The following ASXL2 variants were observed in gnomAD, a reference collection of about 807,000 sequenced individuals.
The protein encoded by ASXL2 is ASXL transcriptional regulator 2.
Under a neutral mutation model 122.0 loss-of-function variants are expected in ASXL2, and 23 were observed. The ratio of observed to expected loss-of-function variants is 0.19; its 90% CI spans 0.14 to 0.27. The LOEUF (loss-of-function observed/expected upper bound fraction) is 0.27, where lower values mean the gene tolerates loss of function less well. Ranked by LOEUF, ASXL2 falls within the 10% of genes least tolerant of loss-of-function variation. The probability of loss-of-function intolerance (pLI) is 1.00; values close to 1 mark genes in which losing one functional copy is unlikely to be tolerated. For missense variants in ASXL2, 1,518 were observed against 1,713.8 expected, an observed-to-expected ratio of 0.89 and a Z score of 2.02; for synonymous variants, 650 against 637.0, an observed-to-expected ratio of 1.02 and a Z score of -0.31.
chr2:25,873,000 C>A (rs1443540841), intron 1 of ASXL2, among the ~76,000 whole-genome samples: 2 of 151,726 alleles, frequency 1.3e-5, no homozygotes, highest in Non-Finnish European at 2.9e-5. Context: ...TGGATAAGTT[C>A]TTTAGTGGTG....
Position 25,743,687 on chromosome 2 carries a change from G to C in ASXL2, c.2650C>G (p.Pro884Ala). Residue 884 changes from proline (P) to alanine (A), a missense_variant, in exon 13 of 13, where the codon CCC becomes GCC. By Grantham distance (27) the Pro-to-Ala change is conservative. This residue lies in a region of ASXL2 where 831 missense variants were observed against 833.1 expected (regional missense o/e 1.00). Coordinates refer to ENST00000435504, the MANE Select transcript of ASXL2 (RefSeq NM_018263.6). ...TDASVPVAVT[P>A]SPLTSLLTTA... ...GTCAATAAAGATGTTAAAGGGGAGGGAGTTACAGCCACTGGCACACTAGCA... is the reference window on the plus strand; with the variant it reads ...GTCAATAAAGATGTTAAAGGGGAGGCAGTTACAGCCACTGGCACACTAGCA... The C allele has an allele frequency of 6.2e-7, 1 of 1,614,012 alleles. No individual in the cohort carries two copies. The highest frequency in any genetic ancestry group is 8.5e-7 in the Non-Finnish European group (1 of 1,179,902).
chr2:25,757,674 CAAAAAAAAAAAAAA>C (rs60732948), intron 9 of ASXL2, among the ~76,000 whole-genome samples: 2 of 35,820 alleles, frequency 5.6e-5, no homozygotes, highest in African/African-American at 1.2e-4. Context: ...GACTCCATCT[CAAAAAAAAAAAAAA>C]AAAAAAAAAA....
intron 8 of ASXL2, among the ~76,000 whole-genome samples, chr2:25,764,916 T>G (rs1306512329): frequency 6.6e-6 from 1 of 152,202 alleles, no homozygotes; most frequent in African/African-American, 2.4e-5. Context: ...AAGATACTTT[T>G]GTGCCTCAAA....
chr2:25,832,262 C>T lies in ASXL2; in HGVS notation c.143+3276G>A, dbSNP rs2089463604. Among the ~76,000 whole-genome samples, 4 of 152,194 alleles carry T rather than the reference C, an allele frequency of 2.6e-5. No individual in the cohort carries two copies. In the South Asian group the frequency reaches 6.2e-4, roughly 24 times the overall value. ...AATCTAAATGGAAGTACGGTTTCCA[C>T]ACTTCACTTAGAGTGGTAAAATGAT... On this transcript the variant is annotated intron_variant, in intron 3 of 12. Coordinates refer to ENST00000435504, the MANE Select transcript of ASXL2 (RefSeq NM_018263.6).
Position 25,749,756 on chromosome 2 carries a change from T to C in ASXL2, c.1800A>G (p.Ser600=). The C allele has an allele frequency of 6.3e-7, 1 of 1,584,190 alleles. No individual in the cohort carries two copies. ...CCCCTCTATTGAGAAAGGGCTGTGG[T>C]GAGACCTGAAATGGCTGCTGGTGCT... ...NRQHQQPFQV[S]PQPFLNRGDR... Residue 600 remains serine (S), a synonymous_variant, in exon 12 of 13, where the codon TCA becomes TCG. Transcript: ENST00000435504.
At chr2:25,871,937 A>AT (rs1370371020) in intron 1 of ASXL2, among the ~76,000 whole-genome samples, 2 of 152,228 alleles carry the variant, frequency 1.3e-5, no homozygotes, top group Admixed American at 6.5e-5. Flanking sequence ...CAGTTCCTCA[A>AT]TTTTTTTAAA....
chr2:25,781,959 CTTTTTTCTTTT>C (rs1384923799), intron 5 of ASXL2, among the ~76,000 whole-genome samples: 3 of 88,400 alleles, frequency 3.4e-5, no homozygotes, highest in African/African-American at 8.9e-5. Flanking sequence ...ACCGCCCGGG[CTTTTTTCTTTT>C]TTTTTTTTTT....
chr2:25,878,435 A>T lies in ASXL2; in HGVS notation c.-213T>A. 1 of 594,938 alleles carries T rather than the reference A, an allele frequency of 1.7e-6. No homozygotes were observed. The highest frequency in any genetic ancestry group is 3.0e-5 in the Admixed American group (1 of 33,238). 36.9% of individuals were successfully genotyped at this position (594,938 alleles called of 1,614,324 possible). ...TCCTCTTGCTGCCGTTGCCACTGCT[A>T]CCGCCGCTGCCATATTGGGTTCTTA... On this transcript the variant is annotated 5_prime_UTR_variant, in exon 1 of 13. Coordinates refer to ENST00000435504, the MANE Select transcript of ASXL2 (RefSeq NM_018263.6).
chr2:25,841,954 A>G (rs1378829375), intron 2 of ASXL2, among the ~76,000 whole-genome samples: 1 of 150,412 alleles, frequency 6.6e-6, no homozygotes, highest in East Asian at 1.9e-4. Context: ...CTCAAAAAAA[A>G]AAAAAAAATT....
chr2:25,766,391 C>T (rs1553695297), intron 8 of ASXL2, among the ~76,000 whole-genome samples: 2 of 152,172 alleles, frequency 1.3e-5, no homozygotes, highest in Non-Finnish European at 2.9e-5. Context: ...TTCTGATAGT[C>T]CTACTATGTG....
At chr2:25,838,529 CTG>C (rs1018064008) in intron 2 of ASXL2, among the ~76,000 whole-genome samples, 31 of 152,272 alleles carry the variant, frequency 2.0e-4, no homozygotes, top group African/African-American at 7.5e-4. Flanking sequence ...TTCCATTAAG[CTG>C]TGTGGGAGTA....
chr2:25,806,159 C>T (rs752256708), intron 4 of ASXL2, 70 bp downstream of exon 4: 21 of 946,040 alleles, frequency 2.2e-5, no homozygotes, highest in Non-Finnish European at 2.6e-5. Context: ...TCTGTCCCTA[C>T]GAGTCAAATA....
chr2:25,818,406 G>A (rs574606702), intron 3 of ASXL2, among the ~76,000 whole-genome samples: 1 of 152,292 alleles, frequency 6.6e-6, no homozygotes, highest in South Asian at 2.1e-4. Context: ...AGCTACTCGG[G>A]AGGCTGAGGC....
At chr2:25,856,968 A>G (rs2089786748) in intron 1 of ASXL2, 1 of 437,032 alleles carries the variant, frequency 2.3e-6, no homozygotes, top group African/African-American at 2.0e-5. Flanking sequence ...TACAAGTTCT[A>G]GAATAATGCC....
chr2:25,772,080 A>T (rs896882992), intron 5 of ASXL2, among the ~76,000 whole-genome samples: 10 of 152,356 alleles, frequency 6.6e-5, no homozygotes, highest in African/African-American at 2.4e-4. Context: ...GAATTTGCAT[A>T]AGATGTAACC....
At chr2:25,775,258 G>A (rs1198976687) in intron 5 of ASXL2, among the ~76,000 whole-genome samples, 2 of 152,100 alleles carry the variant, frequency 1.3e-5, no homozygotes, top group African/African-American at 2.4e-5. Context: ...CTCCTGAGTA[G>A]CTAGGATTAC....
chr2:25,864,310 G>A lies in ASXL2; in HGVS notation c.57+13856C>T, dbSNP rs114404694. Among the ~76,000 whole-genome samples the A allele has an allele frequency of 3.6e-3, 547 of 152,204 alleles. 6 individuals carry two copies. Among genetic ancestry groups the A allele is most frequent in the African/African-American group, 0.013 (523 of 41,470 alleles). ...AAAACTAAGAAAGAAACATTACAAC[G>A]AGACTCACATTTTAAGATTATTCTA... On this transcript the variant is annotated intron_variant, in intron 1 of 12. Coordinates refer to ENST00000435504, the MANE Select transcript of ASXL2 (RefSeq NM_018263.6).
chr2:25,805,626 G>A (rs2089069888), intron 4 of ASXL2, among the ~76,000 whole-genome samples: 2 of 152,042 alleles, frequency 1.3e-5, no homozygotes, highest in East Asian at 1.9e-4. Context: ...CAAATGTTGT[G>A]GGGCTCCTTA....
chr2:25,799,072 T>C (rs2088955007), intron 5 of ASXL2, among the ~76,000 whole-genome samples: 2 of 152,160 alleles, frequency 1.3e-5, no homozygotes, highest in African/African-American at 2.4e-5. Context: ...GAAATCTCTG[T>C]ACCTTCCTCT....
Sources: allele counts gnomAD v4.1 joint callset (sites outside exome capture counted in the v4.1 genomes callset), GRCh38; gene constraint gnomAD v4.1.1; regional missense constraint gnomAD v4.1.1; transcripts MANE v1.5; gene names NCBI Gene and HGNC (gene_info 2026-07-23, HGNC 2026-07-21).